The following SPON2 variants were observed in gnomAD, a reference collection of about 807,000 sequenced individuals.
SPON2 encodes the protein spondin 2, also known as spondin-2.
A neutral mutation model predicts 29.9 loss-of-function variants in SPON2; 32 were observed. That is an observed-to-expected ratio of 1.07 (90% CI 0.81 to 1.44). The LOEUF (loss-of-function observed/expected upper bound fraction) is 1.44. SPON2 is among the 40% of genes most tolerant of loss of function. The pLI, the probability that SPON2 is intolerant of heterozygous loss-of-function variation, is 0.00. For missense variants in SPON2, 541 were observed against 455.5 expected (o/e 1.19, Z -1.71); for synonymous variants, 248 against 209.1 (o/e 1.19, Z -1.61).
At chr4:1,178,753 A>G (rs1727651967) in intron 2 of SPON2, among the ~76,000 whole-genome samples, 1 of 150,892 alleles carries the variant, frequency 6.6e-6, no homozygotes, top group Admixed American at 6.6e-5. Flanking sequence ...GCAGACAGGG[A>G]TTTACTATGG....
At chr4:1,171,692 C>A in intron 2 of SPON2, 160 bp downstream of exon 2, 1 of 767,742 alleles carries the variant, frequency 1.3e-6, no homozygotes, top group East Asian at 2.6e-5. Flanking sequence ...ACCGCATCCC[C>A]GGAACCGCAC....
intron 5 of SPON2, among the ~76,000 whole-genome samples, chr4:1,169,311 G>T (rs1026608720): frequency 3.3e-5 from 5 of 152,038 alleles, no homozygotes; most frequent in Admixed American, 2.6e-4. Context: ...GTGGCTCGGG[G>T]ACATCTGCTT....
chr4:1,173,160 G>GTC (rs1316101575), upstream of SPON2: 1 of 152,198 alleles, frequency 6.6e-6, no homozygotes, highest in African/African-American at 2.4e-5. Flanking sequence ...CCTGACTTCA[G>GTC]TCTACATGCT....
upstream of SPON2, among the ~76,000 whole-genome samples, chr4:1,176,880 C>CATTCATTCACACACTTCATTA (rs1407353865): frequency 1.3e-5 from 2 of 152,252 alleles, no homozygotes; most frequent in Non-Finnish European, 2.9e-5. Context: ...ACACTTCATT[C>CATTCATTCACACACTTCATTA]ATTCATTCAC....
intron 1 of SPON2, among the ~76,000 whole-genome samples, chr4:1,184,752 G>T (rs1727761044): frequency 1.3e-5 from 2 of 151,942 alleles, no homozygotes. Flanking sequence ...GGTCAACATA[G>T]TGAAACCCGT....
chr4:1,169,202 G>A (rs932983944), intron 5 of SPON2, among the ~76,000 whole-genome samples: 1 of 152,052 alleles, frequency 6.6e-6, no homozygotes, highest in African/African-American at 2.4e-5. Context: ...CAAATGTGGG[G>A]CAAACCGCAC....
exon 1 of SPON2, chr4:1,208,100 G>C (rs927078160): frequency 2.6e-5 from 4 of 152,614 alleles, no homozygotes; most frequent in African/African-American, 4.8e-5. Flanking sequence ...TGCCGGCTGC[G>C]GGGGTAGGCC....
At chr4:1,199,450 T>A (rs918275575), upstream of SPON2, 6 of 152,124 alleles carry the variant, frequency 3.9e-5, no homozygotes, top group Non-Finnish European at 8.8e-5. This position sits in a 1 kb window ranked among gnomAD's most constrained non-coding sequence, Gnocchi z 4.5. Context: ...TAATACAAGA[T>A]AAATATACAA....
At chr4:1,196,423 C>T (rs1728071513), upstream of SPON2, among the ~76,000 whole-genome samples, 1 of 152,222 alleles carries the variant, frequency 6.6e-6, no homozygotes, top group South Asian at 2.1e-4. Context: ...GCGGGAAGTG[C>T]ACGTGAGCTC....
chr4:1,185,474 G>A lies in SPON2; in HGVS notation c.-238-5933C>T, dbSNP rs1171689631. Among the ~76,000 whole-genome samples the A allele has an allele frequency of 2.4e-4, 36 of 151,410 alleles. 2 individuals are homozygous for A. The East Asian group carries it at 7.0e-3, about 30-fold the overall frequency. ...TGTGATCCCAGCACTTTGGGAGGCT[G>A]AGGCGAGCGGATCACCTGAGGTCGG... On this transcript the variant is annotated intron_variant, in intron 1 of 3. Transcript: ENST00000502483.
intron 1 of SPON2, among the ~76,000 whole-genome samples, chr4:1,183,102 G>A (rs143932993): frequency 0.025 from 3,747 of 152,154 alleles, 51 homozygotes; most frequent in Middle Eastern, 0.044. Flanking sequence ...TTAGCTGGGT[G>A]TGGTGGTGCA....
chr4:1,175,680 A>G, upstream of SPON2, among the ~76,000 whole-genome samples: 1 of 149,004 alleles, frequency 6.7e-6, no homozygotes, highest in African/African-American at 2.5e-5. Context: ...TTCAGCTAGG[A>G]TGTGGGTGGT....
rs559033530 is a variant in SPON2, at chr4:1,167,815, G to T, written c.812-159C>A. ...CGCACAGTCGCAGAGTGAGCGGCAA[G>T]ATGGGATGGCACCATAGCAACCTCG... On this transcript the variant is annotated intron_variant, in intron 5 of 5. Transcript: ENST00000290902. 1.9e-5 allele frequency: 13 copies of T among 695,474 alleles called. No homozygotes were observed. The Admixed American group carries it at 2.7e-4, about 14-fold the overall frequency. 43.1% of individuals were successfully genotyped at this position (695,474 alleles called of 1,614,324 possible).
chr4:1,169,456 C>G (rs1051198343), intron 5 of SPON2, among the ~76,000 whole-genome samples: 2 of 152,178 alleles, frequency 1.3e-5, no homozygotes, highest in Admixed American at 6.5e-5. Flanking sequence ...CAGTCTCTGT[C>G]TGGGGAGTGG....
At position 1,193,771 on chromosome 4, in the gene SPON2, G is replaced by C. The variant is rs1225548802; in HGVS notation, c.-239+1219C>G. ...GGGGGTGGTGTGGGAAGGACGTGGG[G>C]GGTGGCGTGGGAAGGACGTGGGGGG... On this transcript the variant is annotated intron_variant, in intron 1 of 3. Transcript: ENST00000502483. Among the ~76,000 whole-genome samples, 15 of 41,294 alleles carry C rather than the reference G, an allele frequency of 3.6e-4. 1 individual carries two copies. The highest frequency in any genetic ancestry group is 1.8e-3 in the African/African-American group (13 of 7,260). The allele number at this position is 41,294 out of a possible 152,430, so 27.1% of individuals were successfully genotyped here.
intron 1 of SPON2, among the ~76,000 whole-genome samples, chr4:1,194,193 C>T (rs76146323): frequency 0.21 from 31,726 of 152,152 alleles, 4,329 homozygotes; most frequent in Non-Finnish European, 0.3. Context: ...CCACCCCCAG[C>T]CCCACGACGG....
At chr4:1,186,026 C>CCT (rs1727789517) in intron 1 of SPON2, among the ~76,000 whole-genome samples, 3 of 150,718 alleles carry the variant, frequency 2.0e-5, no homozygotes, top group Non-Finnish European at 4.4e-5. Context: ...GGGCGGATCA[C>CCT]GAGGTCAGGA....
chr4:1,171,194 C>A lies in SPON2; in HGVS notation c.445-4G>T, dbSNP rs1279504675. ...CGATGCGCACCACAAACGAGACCTGCGGCGACAGCGGCTCAGCGCGCCTGG... is the reference window on the plus strand; with the variant it reads ...CGATGCGCACCACAAACGAGACCTGAGGCGACAGCGGCTCAGCGCGCCTGG... On this transcript the variant is annotated splice_polypyrimidine_tract_variant and splice_region_variant and intron_variant, in intron 3 of 5. Transcript: ENST00000290902. 6.7e-6 allele frequency: 10 copies of A among 1,497,144 alleles called. No homozygotes were observed. The highest frequency in any genetic ancestry group is 8.8e-6 in the Non-Finnish European group (10 of 1,130,368). The allele number at this position is 1,497,144 out of a possible 1,614,324, so 92.7% of individuals were successfully genotyped here.
In SPON2 at chr4:1,202,176, G is replaced by A. The variant is rs551849951; in HGVS notation, c.-234+5704C>T. Among the ~76,000 whole-genome samples, 4 of 152,276 alleles carry A rather than the reference G, an allele frequency of 2.6e-5. No individual in the cohort carries two copies. Among genetic ancestry groups the A allele is most frequent in the Non-Finnish European group, 2.9e-5 (2 of 68,026 alleles). On this transcript the variant is annotated intron_variant, in intron 1 of 3. Transcript: ENST00000509233. This position sits in a 1 kb window ranked among gnomAD's most constrained non-coding sequence, Gnocchi z 5.4. ...ATCAACAGAGACTTCCTGCCTCCCCGTCTGGAGGCCAAGGTTGGGTTCTCC... is the reference window on the plus strand; with the variant it reads ...ATCAACAGAGACTTCCTGCCTCCCCATCTGGAGGCCAAGGTTGGGTTCTCC...
Sources: allele counts gnomAD v4.1 joint callset (sites outside exome capture counted in the v4.1 genomes callset), GRCh38; gene constraint gnomAD v4.1.1; non-coding constraint Gnocchi (gnomAD v3.1); transcripts MANE v1.5; gene names NCBI Gene and HGNC (gene_info 2026-07-23, HGNC 2026-07-21).